The following UNC5D variants were observed in gnomAD, a reference collection of about 807,000 sequenced individuals.
UNC5D encodes the protein unc-5 netrin receptor D.
Under a neutral mutation model 105.4 loss-of-function variants are expected in UNC5D, and 39 were observed. That is an observed-to-expected ratio of 0.37 (90% CI 0.29 to 0.48). The LOEUF is 0.48. UNC5D is among the 20% of genes least tolerant of loss of function. UNC5D has a pLI of 0.98. For synonymous variants in UNC5D, 452 were observed against 450.4 expected, an observed-to-expected ratio of 1.00 and a Z score of -0.04; for missense variants, 991 against 1,202.4, an observed-to-expected ratio of 0.82 and a Z score of 2.60.
chr8:35,394,384 G>A (rs1017188924), intron 1 of UNC5D, among the ~76,000 whole-genome samples: 5 of 151,958 alleles, frequency 3.3e-5, no homozygotes, highest in African/African-American at 7.3e-5. Context: ...CAAAAAAGTT[G>A]TACACTAATG....
At chr8:35,728,145 C>A (rs1828989813) in intron 10 of UNC5D, among the ~76,000 whole-genome samples, 1 of 145,324 alleles carries the variant, frequency 6.9e-6, no homozygotes, top group South Asian at 2.2e-4. Flanking sequence ...TCATATAAAG[C>A]CATGCATTAA....
At chr8:35,276,828 T>A (rs1326699657) in intron 1 of UNC5D, among the ~76,000 whole-genome samples, 1 of 152,170 alleles carries the variant, frequency 6.6e-6, no homozygotes, top group Non-Finnish European at 1.5e-5. Context: ...CCTAGTCCAA[T>A]CCTGAACCTT....
chr8:35,633,466 T>G (rs1398206759), intron 4 of UNC5D, among the ~76,000 whole-genome samples: 1 of 152,060 alleles, frequency 6.6e-6, no homozygotes, highest in Non-Finnish European at 1.5e-5. Context: ...TCCTTTTTTG[T>G]ACAGGGCACG....
At chr8:35,662,038 G>A (rs1365040291) in intron 4 of UNC5D, among the ~76,000 whole-genome samples, 1 of 152,034 alleles carries the variant, frequency 6.6e-6, no homozygotes, top group Admixed American at 6.6e-5. Flanking sequence ...ATAGCAATGG[G>A]TTGCAAAATA....
intron 7 of UNC5D, among the ~76,000 whole-genome samples, chr8:35,693,173 G>A (rs1177924479): frequency 3.3e-5 from 5 of 152,074 alleles, no homozygotes; most frequent in Admixed American, 1.3e-4. Context: ...CAATATTCAC[G>A]TGTCTTCGTG....
At chr8:35,342,137 C>T (rs1474860022) in intron 1 of UNC5D, among the ~76,000 whole-genome samples, 1 of 152,028 alleles carries the variant, frequency 6.6e-6, no homozygotes, top group Non-Finnish European at 1.5e-5. Flanking sequence ...ATTCGTAGGG[C>T]CCAGTGTACC....
intron 1 of UNC5D, among the ~76,000 whole-genome samples, chr8:35,487,580 C>G (rs1037781651): frequency 6.6e-6 from 1 of 151,600 alleles, no homozygotes; most frequent in Non-Finnish European, 1.5e-5. Flanking sequence ...CACACACACA[C>G]ACACACACAC....
intron 1 of UNC5D, among the ~76,000 whole-genome samples, chr8:35,305,052 T>A (rs1369462781): frequency 2.0e-5 from 3 of 152,140 alleles, no homozygotes; most frequent in Admixed American, 2.0e-4. Flanking sequence ...ATCGTCCAGC[T>A]TTACTCTGAA....
At chr8:35,516,711 C>T (rs1050101480) in intron 1 of UNC5D, among the ~76,000 whole-genome samples, 26 of 152,336 alleles carry the variant, frequency 1.7e-4, no homozygotes, top group African/African-American at 6.0e-4. Context: ...CTTCTTCCTT[C>T]CTGTATCCAG....
chr8:35,544,456 GGTGTTA>G, intron 1 of UNC5D: 1 of 1,613,962 alleles, frequency 6.2e-7, no homozygotes, highest in South Asian at 1.1e-5. Context: ...GGATGATCCT[GGTGTTA>G]GTTAAAGCTC....
intron 1 of UNC5D, among the ~76,000 whole-genome samples, chr8:35,331,190 C>T (rs80343554): frequency 8.3e-4 from 127 of 152,134 alleles, no homozygotes; most frequent in Admixed American, 1.2e-3. Context: ...ATAGATTATT[C>T]GAAACAGTTT....
chr8:35,613,287 C>T lies in UNC5D; in HGVS notation c.570+17630C>T, dbSNP rs1319828432. ...GTGAGGTTTTGTCATGTTGCTCAGG[C>T]CAGTCTCAAACATTAGGGCTCAGGT... On this transcript the variant is annotated intron_variant, in intron 4 of 16. Transcript: ENST00000404895. 2.0e-5 allele frequency among the ~76,000 whole-genome samples: 3 copies of T among 152,190 alleles called. No homozygotes were observed. The South Asian group carries it at 6.2e-4, about 32-fold the overall frequency.
intron 1 of UNC5D, among the ~76,000 whole-genome samples, chr8:35,296,446 T>C (rs1484992442): frequency 3.9e-5 from 6 of 151,948 alleles, no homozygotes; most frequent in Middle Eastern, 3.2e-3. Flanking sequence ...TGAGATGGAG[T>C]TTTGCTCTTG....
At position 35,772,768 on chromosome 8, in the gene UNC5D, G is replaced by A. The variant is rs1481203808; in HGVS notation, c.2479-1531G>A. ...TCATAAGACTGAAACCAAAGTGTTG[G>A]CCAGGGCATGTTCTCATCTGGAGCT... On this transcript the variant is annotated intron_variant, in intron 15 of 16. Coordinates refer to ENST00000404895, the MANE Select transcript of UNC5D (RefSeq NM_080872.4). Among the ~76,000 whole-genome samples the A allele has an allele frequency of 2.0e-5, 3 of 150,868 alleles. No individual in the cohort carries two copies. In the East Asian group the frequency reaches 5.8e-4, roughly 29 times the overall value.
chr8:35,687,200 T>A (rs1240124042), intron 7 of UNC5D, among the ~76,000 whole-genome samples: 1 of 152,098 alleles, frequency 6.6e-6, no homozygotes, highest in Non-Finnish European at 1.5e-5. Flanking sequence ...TCCCAGCACT[T>A]TGGGAGGCCA....
In UNC5D at chr8:35,726,173, C is replaced by G; in HGVS notation, c.1325C>G (p.Ser442Cys). The change falls in exon 10 of 17, where the codon TCT becomes TGT. Residue 442 changes from serine (S) to cysteine (C), a missense_variant. Around this residue, in one of 3 missense-constraint regions of UNC5D, gnomAD observed 944 missense variants for 1,131.6 expected, o/e 0.83. Coordinates refer to ENST00000404895, the MANE Select transcript of UNC5D (RefSeq NM_080872.4). ...CCAGGTAACTCCCTGCTCCTGAATT[C>G]TGCCATGCAGCCAGATCTGACAGTG... The part of the protein sequence containing the change: ...VRQGNSLLLN[S>C]AMQPDLTVSR... The G allele has an allele frequency of 6.2e-7, 1 of 1,609,864 alleles. No homozygotes were observed. Among genetic ancestry groups the G allele is most frequent in the African/African-American group, 1.3e-5 (1 of 74,922 alleles).
At chr8:35,308,680 A>C (rs1040837944) in intron 1 of UNC5D, among the ~76,000 whole-genome samples, 1 of 152,154 alleles carries the variant, frequency 6.6e-6, no homozygotes, top group African/African-American at 2.4e-5. Context: ...TGCATGGTCC[A>C]TGTTTATACT....
At chr8:35,480,625 T>C (rs1457590704) in intron 1 of UNC5D, among the ~76,000 whole-genome samples, 1 of 152,234 alleles carries the variant, frequency 6.6e-6, no homozygotes, top group Admixed American at 6.5e-5. Context: ...TCTATGTTTT[T>C]AGGATATATC....
At chr8:35,624,912 T>A (rs1457229744) in intron 4 of UNC5D, among the ~76,000 whole-genome samples, 1 of 152,198 alleles carries the variant, frequency 6.6e-6, no homozygotes, top group Non-Finnish European at 1.5e-5. Flanking sequence ...TTCTTTAAAA[T>A]AGGGCCTTTT....
Sources: gnomAD v4.1 joint callset for allele counts (sites outside exome capture counted in the v4.1 genomes callset) on GRCh38, gnomAD v4.1.1 for gene constraint, gnomAD v4.1.1 regional missense constraint, MANE v1.5 for transcripts, NCBI Gene and HGNC (gene_info 2026-07-23, HGNC 2026-07-21) for gene names.